The following DNAH11 variants were observed in gnomAD, a reference collection of about 807,000 sequenced individuals.
DNAH11 encodes the protein dynein axonemal heavy chain 11.
Under a neutral mutation model 526.0 loss-of-function variants are expected in DNAH11, and 442 were observed. The ratio of observed to expected loss-of-function variants is 0.84; its 90% CI spans 0.78 to 0.91. DNAH11 has a LOEUF of 0.91. Among genes scored for constraint, DNAH11 ranks in the 40% least tolerant of loss-of-function variants. The probability of loss-of-function intolerance (pLI) is 0.00; values close to 1 mark genes in which losing one functional copy is unlikely to be tolerated. For synonymous variants in DNAH11, 2,461 were observed against 1,935.9 expected (o/e 1.27, Z -7.12); for missense variants, 6,989 against 5,448.7 (o/e 1.28, Z -8.90).
intron 12 of DNAH11, 37 bp downstream of exon 12, chr7:21,589,440 C>G (rs1583506805): frequency 1.3e-6 from 2 of 1,495,188 alleles, no homozygotes; most frequent in Non-Finnish European, 1.8e-6. Context: ...TTATAAGTGC[C>G]CTTTTTATTA....
chr7:21,579,173 C>G (rs1562675768), intron 8 of DNAH11, among the ~76,000 whole-genome samples: 1 of 152,132 alleles, frequency 6.6e-6, no homozygotes, highest in Non-Finnish European at 1.5e-5. Flanking sequence ...TAATTACAAC[C>G]CTTCAATAGC....
chr7:21,801,045 C>T, intron 61 of DNAH11, 92 bp from the exon 62 acceptor site: 2 of 1,372,970 alleles, frequency 1.5e-6, no homozygotes, highest in Admixed American at 2.1e-5. Context: ...GAGGTTTGTC[C>T]ATTTACCTTA....
chr7:21,809,573 G>GT (rs910929453), intron 63 of DNAH11, among the ~76,000 whole-genome samples: 3 of 151,644 alleles, frequency 2.0e-5, no homozygotes, highest in African/African-American at 4.8e-5. Context: ...GTTATATTTT[G>GT]TTTTTTTGAG....
intron 62 of DNAH11, among the ~76,000 whole-genome samples, chr7:21,802,815 A>G (rs1017848935): frequency 1.3e-5 from 2 of 151,918 alleles, no homozygotes; most frequent in African/African-American, 2.4e-5. Flanking sequence ...AAATAGACTA[A>G]TGGTTGCCAG....
Position 21,658,163 on chromosome 7 carries a change from A to T in DNAH11, c.5095-635A>T, listed in dbSNP as rs530397615. Among the ~76,000 whole-genome samples the T allele has an allele frequency of 3.9e-3, 588 of 151,832 alleles. 4 individuals are homozygous for T. The highest frequency in any genetic ancestry group is 0.013 in the African/African-American group (545 of 41,438). ...CGCAAACTAAGCTTCAATTTTTTAAAAAAAAAAAGATTAATTTTTACAAGT... is the reference window on the plus strand; with the variant it reads ...CGCAAACTAAGCTTCAATTTTTTAATAAAAAAAAGATTAATTTTTACAAGT... On this transcript the variant is annotated intron_variant, in intron 29 of 81. Transcript: ENST00000409508.
chr7:21,702,913 A>G, intron 37 of DNAH11, 111 bp downstream of exon 37: 4 of 948,434 alleles, frequency 4.2e-6, no homozygotes, highest in Non-Finnish European at 6.3e-6. Context: ...TAAAAAGCAT[A>G]ACATCTGTTG....
intron 14 of DNAH11, among the ~76,000 whole-genome samples, chr7:21,599,084 CCTTTT>C (rs1410585498): frequency 6.6e-6 from 1 of 151,984 alleles, no homozygotes; most frequent in African/African-American, 2.4e-5. Context: ...GATTTATATC[CCTTTT>C]GGTGTATATC....
At chr7:21,572,624 C>T (rs1783937806) in intron 8 of DNAH11, among the ~76,000 whole-genome samples, 1 of 152,162 alleles carries the variant, frequency 6.6e-6, no homozygotes, top group Non-Finnish European at 1.5e-5. Flanking sequence ...AGATTTAGCT[C>T]TTGTTCTTAT....
chr7:21,825,401 G>T (rs76162027), intron 65 of DNAH11, among the ~76,000 whole-genome samples: 2 of 152,180 alleles, frequency 1.3e-5, no homozygotes, highest in Non-Finnish European at 2.9e-5. Flanking sequence ...TAGTTGGGTT[G>T]TAGAACTTAT....
At chr7:21,779,296 C>T (rs1395006705) in intron 57 of DNAH11, among the ~76,000 whole-genome samples, 192 bp downstream of exon 57, 1 of 152,148 alleles carries the variant, frequency 6.6e-6, no homozygotes, top group Admixed American at 6.5e-5. Flanking sequence ...TTTCCCCAAC[C>T]TTTTAGCTCT....
intron 26 of DNAH11, among the ~76,000 whole-genome samples, chr7:21,637,038 T>A (rs1786895442): frequency 6.6e-6 from 1 of 152,142 alleles, no homozygotes; most frequent in Non-Finnish European, 1.5e-5. Flanking sequence ...ATTAAAAGGT[T>A]TTTTCTTTCT....
intron 72 of DNAH11, among the ~76,000 whole-genome samples, chr7:21,868,356 G>A (rs1231424741): frequency 1.3e-5 from 2 of 152,078 alleles, no homozygotes; most frequent in Non-Finnish European, 2.9e-5. Flanking sequence ...GCAAGGCACT[G>A]TCGCCTTTGT....
intron 41 of DNAH11, among the ~76,000 whole-genome samples, 176 bp downstream of exon 41, chr7:21,710,879 T>C (rs1784441207): frequency 6.6e-6 from 1 of 152,208 alleles, no homozygotes; most frequent in Non-Finnish European, 1.5e-5. Flanking sequence ...CATTAAAGAA[T>C]TTCAAGGAAT....
intron 76 of DNAH11, among the ~76,000 whole-genome samples, chr7:21,889,845 A>C (rs1784268872): frequency 6.6e-6 from 1 of 152,204 alleles, no homozygotes; most frequent in Admixed American, 6.5e-5. Context: ...CTTTTCATAA[A>C]AAGTCTTGAG....
intron 28 of DNAH11, among the ~76,000 whole-genome samples, chr7:21,646,489 A>G (rs145462499): frequency 9.4e-4 from 143 of 152,300 alleles, no homozygotes; most frequent in African/African-American, 3.4e-3. Context: ...GACAGAGTCC[A>G]AAGTGACTAT....
At chr7:21,672,009 C>T (rs1247476441) in intron 30 of DNAH11, among the ~76,000 whole-genome samples, 4 of 152,158 alleles carry the variant, frequency 2.6e-5, no homozygotes, top group African/African-American at 4.8e-5. Flanking sequence ...GATTCAACAA[C>T]CCATGTTCTG....
At chr7:21,688,499 A>ACT (rs756063046) in intron 34 of DNAH11, among the ~76,000 whole-genome samples, 2 of 151,980 alleles carry the variant, frequency 1.3e-5, no homozygotes, top group Non-Finnish European at 2.9e-5. Context: ...CTTTAAAAAA[A>ACT]CTCTCTCTAT....
Position 21,720,841 on chromosome 7 carries a change from C to A in DNAH11, c.7251C>A (p.Thr2417=), listed in dbSNP as rs1784847985. The change falls in exon 44 of 82, where the codon ACC becomes ACA. Residue 2417 remains threonine, a synonymous_variant. Transcript: ENST00000409508. ...VFACIWAFGG[T]LLQDQISDYQ... ...CTTGTATCTGGGCTTTTGGAGGCACCCTGCTACAAGATCAGGTATGTTTAG... is the reference window on the plus strand; with the variant it reads ...CTTGTATCTGGGCTTTTGGAGGCACACTGCTACAAGATCAGGTATGTTTAG... 6.2e-7 allele frequency: 1 copy of A among 1,612,584 alleles called. No homozygotes were observed. The highest frequency in any genetic ancestry group is 1.7e-5 in the Admixed American group (1 of 59,904).
chr7:21,702,224 TTATTA>T (rs1784093925), intron 36 of DNAH11, among the ~76,000 whole-genome samples: 2 of 151,808 alleles, frequency 1.3e-5, no homozygotes, highest in African/African-American at 4.9e-5. Context: ...GACATGGTTT[TTATTA>T]TATTATGTGC....
Sources: allele counts gnomAD v4.1 joint callset (sites outside exome capture counted in the v4.1 genomes callset), GRCh38; gene constraint gnomAD v4.1.1; transcripts MANE v1.5; gene names NCBI Gene and HGNC (gene_info 2026-07-23, HGNC 2026-07-21).